The following AGBL4 variants were observed in gnomAD, a reference collection of about 807,000 sequenced individuals.
AGBL4 encodes cytosolic carboxypeptidase 6.
In AGBL4, 58 loss-of-function variants were observed where a neutral mutation model predicts 66.4. The observed-to-expected ratio is 0.87, with a 90% CI of 0.71 to 1.09. AGBL4 has a LOEUF of 1.09. AGBL4 is among the 50% of genes least tolerant of loss of function. AGBL4 has a pLI of 0.00. For missense variants in AGBL4, 579 were observed against 631.0 expected (o/e 0.92, Z 0.88); for synonymous variants, 234 against 222.9 (o/e 1.05, Z -0.44).
chr1:48,846,389 G>GAAATAAAT (rs1208016718), intron 6 of AGBL4, among the ~76,000 whole-genome samples: 4 of 142,092 alleles, frequency 2.8e-5, no homozygotes, highest in African/African-American at 1.2e-4. Context: ...AAGAAAGAAA[G>GAAATAAAT]AAAGAAAGAA....
intron 6 of AGBL4, among the ~76,000 whole-genome samples, chr1:48,850,932 T>C (rs929605743): frequency 1.3e-5 from 2 of 152,194 alleles, no homozygotes; most frequent in African/African-American, 4.8e-5. Flanking sequence ...ATGTGAACCA[T>C]AGACAAATCT....
At chr1:48,697,250 A>T (rs1390606072) in intron 6 of AGBL4, among the ~76,000 whole-genome samples, 1 of 152,164 alleles carries the variant, frequency 6.6e-6, no homozygotes, top group Admixed American at 6.5e-5. Flanking sequence ...CACCTGGTTC[A>T]TTAGGAGAGG....
chr1:49,155,070 A>G (rs1349655479), intron 4 of AGBL4, among the ~76,000 whole-genome samples: 1 of 152,228 alleles, frequency 6.6e-6, no homozygotes, highest in Non-Finnish European at 1.5e-5. Context: ...TTAGGATGAC[A>G]GATGCTACTT....
At chr1:49,950,372 A>C (rs1296627386) in intron 1 of AGBL4, among the ~76,000 whole-genome samples, 1 of 151,250 alleles carries the variant, frequency 6.6e-6, no homozygotes, top group Non-Finnish European at 1.5e-5. Flanking sequence ...ACGCATAAAT[A>C]AGAATGACAC....
intron 3 of AGBL4, among the ~76,000 whole-genome samples, chr1:49,560,296 T>A (rs1644006200): frequency 6.6e-6 from 1 of 152,064 alleles, no homozygotes; most frequent in Non-Finnish European, 1.5e-5. Flanking sequence ...TTGAAAAGAA[T>A]CAAGCAGAAA....
At chr1:49,635,997 A>G (rs1268766297) in intron 3 of AGBL4, among the ~76,000 whole-genome samples, 1 of 152,210 alleles carries the variant, frequency 6.6e-6, no homozygotes, top group African/African-American at 2.4e-5. Context: ...GGCCTCAAAC[A>G]TGAAGCTCAT....
intron 3 of AGBL4, among the ~76,000 whole-genome samples, chr1:49,276,457 T>C (rs1644169652): frequency 6.6e-6 from 1 of 152,208 alleles, no homozygotes; most frequent in Non-Finnish European, 1.5e-5. Flanking sequence ...TATTTTGAGA[T>C]GGCTGTTCAG....
intron 6 of AGBL4, chr1:48,776,869 G>T: frequency 1.4e-6 from 2 of 1,385,950 alleles, no homozygotes; most frequent in Non-Finnish European, 1.9e-6. Context: ...GGGCAGCTCA[G>T]CCCGCGGGGC....
intron 3 of AGBL4, among the ~76,000 whole-genome samples, chr1:49,483,712 G>T (rs577332674): frequency 6.6e-6 from 1 of 151,684 alleles, no homozygotes; most frequent in Admixed American, 6.6e-5. Flanking sequence ...GTAACGCTCC[G>T]CAAGCACAGG....
Position 49,228,271 on chromosome 1 carries a change from G to A in AGBL4, c.377+17499C>T, listed in dbSNP as rs553087761. Among the ~76,000 whole-genome samples the A allele has an allele frequency of 5.3e-5, 8 of 152,228 alleles. No individual in the cohort carries two copies. In the East Asian group the frequency reaches 1.4e-3, roughly 26 times the overall value. On this transcript the variant is annotated intron_variant, in intron 4 of 13. Coordinates refer to ENST00000371839, the MANE Select transcript of AGBL4 (RefSeq NM_032785.4). ...GCTTAGGATACATCAATACACAAACGAAAGATTTCTAACTTTGTGAAACTT... is the reference window on the plus strand; with the variant it reads ...GCTTAGGATACATCAATACACAAACAAAAGATTTCTAACTTTGTGAAACTT...
At chr1:48,612,499 G>A (rs1421987220) in intron 9 of AGBL4, among the ~76,000 whole-genome samples, 1 of 152,182 alleles carries the variant, frequency 6.6e-6, no homozygotes, top group Non-Finnish European at 1.5e-5. Flanking sequence ...GGTCAAGAAA[G>A]GCAGGGAGGC....
chr1:49,169,169 C>G (rs1047284349), intron 4 of AGBL4, among the ~76,000 whole-genome samples: 2 of 152,122 alleles, frequency 1.3e-5, no homozygotes, highest in Non-Finnish European at 2.9e-5. Flanking sequence ...ACTAGCAAAG[C>G]CATATAAGAG....
intron 4 of AGBL4, among the ~76,000 whole-genome samples, chr1:49,130,327 A>G (rs1362965344): frequency 1.3e-5 from 2 of 152,050 alleles, no homozygotes; most frequent in African/African-American, 4.8e-5. Flanking sequence ...ATTAGATCCC[A>G]TTTGTCAATT....
At chr1:48,854,593 T>C (rs926989778) in intron 6 of AGBL4, among the ~76,000 whole-genome samples, 5 of 152,170 alleles carry the variant, frequency 3.3e-5, no homozygotes, top group African/African-American at 1.2e-4. Flanking sequence ...ATTTCAATAT[T>C]GCAAAATTTG....
chr1:49,272,025 C>A (rs952448082), intron 3 of AGBL4, among the ~76,000 whole-genome samples: 9 of 152,166 alleles, frequency 5.9e-5, no homozygotes, highest in Admixed American at 1.3e-4. Flanking sequence ...AAGTGGCTGG[C>A]AGTGGTACAA....
chr1:49,995,550 C>G (rs1301862451), intron 1 of AGBL4: 1 of 308,260 alleles, frequency 3.2e-6, no homozygotes, highest in Non-Finnish European at 6.4e-6. Context: ...ACCTGAAGGT[C>G]TCTCTCTACC....
At chr1:48,945,940 A>G (rs1274302361) in intron 5 of AGBL4, among the ~76,000 whole-genome samples, 1 of 152,220 alleles carries the variant, frequency 6.6e-6, no homozygotes, top group African/African-American at 2.4e-5. Context: ...AGTTCTTACA[A>G]TAGTACCTGG....
intron 11 of AGBL4, among the ~76,000 whole-genome samples, chr1:48,540,940 C>T (rs995349765): frequency 6.6e-6 from 1 of 152,190 alleles, no homozygotes; most frequent in African/African-American, 2.4e-5. Context: ...CTGAATATGT[C>T]ACTCAGCTGA....
At chr1:49,941,384 A>G (rs1557601793) in intron 1 of AGBL4, among the ~76,000 whole-genome samples, 1 of 152,114 alleles carries the variant, frequency 6.6e-6, no homozygotes, top group East Asian at 1.9e-4. Flanking sequence ...TCATTTTTGT[A>G]TCATCATTAC....
Sources: gnomAD v4.1 joint callset for allele counts (sites outside exome capture counted in the v4.1 genomes callset) on GRCh38, gnomAD v4.1.1 for gene constraint, MANE v1.5 for transcripts, NCBI Gene and HGNC (gene_info 2026-07-23, HGNC 2026-07-21) for gene names.